The following KAT2B variants were observed in gnomAD, a reference collection of about 807,000 sequenced individuals.
The protein encoded by KAT2B is histone acetyltransferase KAT2B.
A neutral mutation model predicts 105.9 loss-of-function variants in KAT2B; 36 were observed. The observed-to-expected ratio is 0.34, with a 90% CI of 0.26 to 0.45. The LOEUF is 0.45. KAT2B is among the 20% of genes least tolerant of loss of function. The probability of loss-of-function intolerance (pLI) is 1.00; values close to 1 mark genes in which losing one functional copy is unlikely to be tolerated. For missense variants in KAT2B, 820 were observed against 1,021.6 expected (o/e 0.80, Z 2.69); for synonymous variants, 397 against 377.9 (o/e 1.05, Z -0.59).
intron 5 of KAT2B, among the ~76,000 whole-genome samples, chr3:20,107,805 C>G (rs1699048696): frequency 7.2e-6 from 1 of 138,246 alleles, no homozygotes; most frequent in Non-Finnish European, 1.5e-5. Context: ...TTTGCTTTTT[C>G]CTTTTTTTTT....
chr3:20,137,704 T>G (rs1190101095), intron 12 of KAT2B: 3 of 153,304 alleles, frequency 2.0e-5, no homozygotes, highest in African/African-American at 7.2e-5. Context: ...GTATTTTTAG[T>G]AGAGACAGGG....
intron 5 of KAT2B, among the ~76,000 whole-genome samples, chr3:20,109,149 G>A (rs990020342): frequency 6.6e-6 from 1 of 152,140 alleles, no homozygotes; most frequent in African/African-American, 2.4e-5. Flanking sequence ...TGAAAGACAT[G>A]ACCATATTAA....
chr3:20,149,118 A>G (rs1699825375), intron 17 of KAT2B: 1 of 152,174 alleles, frequency 6.6e-6, no homozygotes, highest in Non-Finnish European at 1.5e-5. Flanking sequence ...CCACTCTAAA[A>G]TTAATGATTA....
intron 10 of KAT2B, 67 bp downstream of exon 10, chr3:20,126,180 G>C: frequency 7.4e-7 from 1 of 1,346,588 alleles, no homozygotes. Flanking sequence ...TGCTTAGATA[G>C]TGAAAGTCAG....
intron 1 of KAT2B, among the ~76,000 whole-genome samples, chr3:20,062,050 T>TA (rs1436963215): frequency 6.6e-5 from 5 of 75,754 alleles, no homozygotes; most frequent in Non-Finnish European, 1.4e-4. Context: ...ATATAAAACA[T>TA]ATAATATATA....
chr3:20,087,108 G>A (rs1409678143), intron 2 of KAT2B, among the ~76,000 whole-genome samples: 1 of 152,160 alleles, frequency 6.6e-6, no homozygotes, highest in African/African-American at 2.4e-5. Context: ...CAAAATTACT[G>A]CTGGATAGGA....
rs1233118060 is a variant in KAT2B, at chr3:20,107,091, G to T, written c.852-4505G>T. Among the ~76,000 whole-genome samples, 6 of 122,872 alleles carry T rather than the reference G, an allele frequency of 4.9e-5. No homozygotes were observed. The East Asian group carries it at 1.5e-3, about 31-fold the overall frequency. The allele number at this position is 122,872 out of a possible 152,430, so 80.6% of individuals were successfully genotyped here. On this transcript the variant is annotated intron_variant, in intron 5 of 17. Transcript: ENST00000263754. ...TGTGTCTCCCAGGCTGGGGTGCAGT[G>T]GTGCAATCTTGGCTCACTGCAACCT...
intron 1 of KAT2B, among the ~76,000 whole-genome samples, chr3:20,060,105 G>C (rs1698074258): frequency 6.6e-6 from 1 of 152,176 alleles, no homozygotes; most frequent in African/African-American, 2.4e-5. Context: ...TATATGACTA[G>C]AACACATTTT....
At chr3:20,079,705 C>T (rs1698486054) in intron 2 of KAT2B, among the ~76,000 whole-genome samples, 1 of 152,084 alleles carries the variant, frequency 6.6e-6, no homozygotes, top group South Asian at 2.1e-4. Flanking sequence ...CATATAATTG[C>T]CCCCTCAGTT....
intron 9 of KAT2B, among the ~76,000 whole-genome samples, chr3:20,124,542 C>T (rs1699364902): frequency 6.6e-6 from 1 of 152,158 alleles, no homozygotes; most frequent in Non-Finnish European, 1.5e-5. Flanking sequence ...GAGGGGTCTG[C>T]CCTGATGATC....
In KAT2B at chr3:20,153,983, A is replaced by G. The variant is rs1699909944; in HGVS notation, c.*1458A>G. The G allele has an allele frequency of 6.6e-6, 1 of 152,614 alleles. No individual in the cohort carries two copies. The highest frequency in any genetic ancestry group is 2.4e-5 in the African/African-American group (1 of 41,474). 9.5% of individuals were successfully genotyped at this position (152,614 alleles called of 1,614,324 possible). A position where few individuals can be genotyped will look rare whatever the true frequency, so the allele number is the denominator to read the frequency against. Reference sequence around the variant, plus strand: ...TATGTAAGAGATATTCAGAATGCTCACACTGAAAATGCCTCAACTTTTTAA... The same window carrying G: ...TATGTAAGAGATATTCAGAATGCTCGCACTGAAAATGCCTCAACTTTTTAA... On this transcript the variant is annotated 3_prime_UTR_variant, in exon 18 of 18. Transcript: ENST00000263754.
intron 1 of KAT2B, among the ~76,000 whole-genome samples, chr3:20,061,811 A>C (rs1380785009): frequency 4.3e-5 from 5 of 117,194 alleles, no homozygotes; most frequent in African/African-American, 1.5e-4. Flanking sequence ...ATTATATATT[A>C]TACATAAAGT....
chr3:20,103,676 T>C (rs1698948942), intron 5 of KAT2B, among the ~76,000 whole-genome samples: 1 of 152,234 alleles, frequency 6.6e-6, no homozygotes, highest in Admixed American at 6.5e-5. Context: ...CCCAAAGTGC[T>C]GAGATTACAT....
At chr3:20,072,505 C>T (rs148170754) in intron 2 of KAT2B, 46 bp downstream of exon 2, 20 of 1,578,462 alleles carry the variant, frequency 1.3e-5, no homozygotes, top group East Asian at 1.1e-4. Context: ...TTCATTGTAG[C>T]GTGAGACTCT....
intron 1 of KAT2B, among the ~76,000 whole-genome samples, chr3:20,050,544 G>A (rs1697898452): frequency 6.6e-6 from 1 of 152,162 alleles, no homozygotes; most frequent in Admixed American, 6.5e-5. Context: ...AATTATTTGT[G>A]TCTGGGTTCT....
At chr3:20,061,834 A>T (rs9847399) in intron 1 of KAT2B, among the ~76,000 whole-genome samples, 9 of 126,768 alleles carry the variant, frequency 7.1e-5, no homozygotes, top group South Asian at 2.4e-4. Flanking sequence ...ATAATATATA[A>T]TATACATAAA....
chr3:20,053,005 G>A (rs1305913398), intron 1 of KAT2B, among the ~76,000 whole-genome samples: 1 of 152,106 alleles, frequency 6.6e-6, no homozygotes, highest in African/African-American at 2.4e-5. Flanking sequence ...AAACTAAGGT[G>A]CAGGGAGGTT....
chr3:20,118,328 TTGTGTGTG>T (rs10558647), intron 7 of KAT2B, among the ~76,000 whole-genome samples: 20 of 139,196 alleles, frequency 1.4e-4, no homozygotes, highest in African/African-American at 2.4e-4. Context: ...TCTCCTAAAT[TTGTGTGTG>T]TGTGTGTGTG....
At chr3:20,058,111 A>G (rs7355958) in intron 1 of KAT2B, among the ~76,000 whole-genome samples, 61,414 of 151,906 alleles carry the variant, frequency 0.4, 12,633 homozygotes, top group Middle Eastern at 0.47. Context: ...CCACTCTTTA[A>G]TATTTGTTTT....
Sources: allele counts gnomAD v4.1 joint callset (sites outside exome capture counted in the v4.1 genomes callset), GRCh38; gene constraint gnomAD v4.1.1; transcripts MANE v1.5; gene names NCBI Gene and HGNC (gene_info 2026-07-23, HGNC 2026-07-21).